Variants in FGF12 observed in about 807,000 individuals in gnomAD.
The protein encoded by FGF12 is fibroblast growth factor 12B.
Under a neutral mutation model 23.6 loss-of-function variants are expected in FGF12, and 14 were observed. That is an observed-to-expected ratio of 0.59 (90% CI 0.39 to 0.93). The LOEUF is 0.93. Among genes scored for constraint, FGF12 ranks in the 40% least tolerant of loss-of-function variants. The pLI is 0.00. For missense variants in FGF12, 175 were observed against 217.8 expected (o/e 0.80, Z 1.24); for synonymous variants, 62 against 77.3 (o/e 0.80, Z 1.04).
chr3:192,653,381 T>C (rs1376215921), intron 2 of FGF12, among the ~76,000 whole-genome samples: 1 of 152,214 alleles, frequency 6.6e-6, no homozygotes, highest in Non-Finnish European at 1.5e-5. Context: ...CTCTGGTCCC[T>C]ACATTTTGGT....
At chr3:192,169,613 T>G (rs1160557006) in intron 5 of FGF12, among the ~76,000 whole-genome samples, 1 of 152,094 alleles carries the variant, frequency 6.6e-6, no homozygotes, top group Non-Finnish European at 1.5e-5. Flanking sequence ...GCCACAGAGT[T>G]GCAATGCACT....
At chr3:192,169,095 C>T (rs1715394328) in intron 5 of FGF12, among the ~76,000 whole-genome samples, 1 of 152,160 alleles carries the variant, frequency 6.6e-6, no homozygotes, top group Non-Finnish European at 1.5e-5. Flanking sequence ...AATCCCAGCA[C>T]TTTGGGAGGC....
chr3:192,634,465 C>T (rs886733932), intron 2 of FGF12, among the ~76,000 whole-genome samples: 3 of 152,140 alleles, frequency 2.0e-5, no homozygotes, highest in African/African-American at 7.2e-5. Context: ...TATGCAAATA[C>T]TACACCATTT....
chr3:192,381,622 G>T (rs999671348), intron 2 of FGF12, among the ~76,000 whole-genome samples: 1 of 152,172 alleles, frequency 6.6e-6, no homozygotes, highest in Non-Finnish European at 1.5e-5. Context: ...GTCAAAAATG[G>T]CTCCCTCAGG....
At chr3:192,426,186 T>C (rs568795264) in intron 2 of FGF12, among the ~76,000 whole-genome samples, 1 of 152,358 alleles carries the variant, frequency 6.6e-6, no homozygotes, top group Non-Finnish European at 1.5e-5. Context: ...TCTAAGATCC[T>C]GGGCTTTTCC....
chr3:192,577,370 G>A (rs961682598), intron 2 of FGF12, among the ~76,000 whole-genome samples: 1 of 152,116 alleles, frequency 6.6e-6, no homozygotes, highest in Non-Finnish European at 1.5e-5. Context: ...ATGAACAAAT[G>A]GTTCTGAGAG....
intron 4 of FGF12, among the ~76,000 whole-genome samples, chr3:192,305,789 T>C (rs1467609569): frequency 6.7e-6 from 1 of 149,170 alleles, no homozygotes; most frequent in East Asian, 1.9e-4. Flanking sequence ...TGACCCCTAT[T>C]TCCTTTGAGA....
At chr3:192,188,046 C>A (rs751000390) in intron 4 of FGF12, among the ~76,000 whole-genome samples, 6 of 152,102 alleles carry the variant, frequency 3.9e-5, no homozygotes, top group Non-Finnish European at 8.8e-5. Context: ...AACAGAGAGC[C>A]AGGAAAGTTT....
At chr3:192,253,663 T>C (rs757845107) in intron 4 of FGF12, among the ~76,000 whole-genome samples, 1 of 152,034 alleles carries the variant, frequency 6.6e-6, no homozygotes, top group Non-Finnish European at 1.5e-5. Context: ...GTTATTCAAA[T>C]TATGTTTGGA....
At chr3:192,229,990 T>C (rs1242382922) in intron 4 of FGF12, among the ~76,000 whole-genome samples, 1 of 152,116 alleles carries the variant, frequency 6.6e-6, no homozygotes, top group Non-Finnish European at 1.5e-5. Flanking sequence ...CTTTAAAGTG[T>C]AATGCATATG....
rs1362671093 is a variant in FGF12, at chr3:192,143,911, T to C, written c.*98A>G. On this transcript the variant is annotated 3_prime_UTR_variant, in exon 6 of 6. Transcript: ENST00000445105. ...CACTAGGTCTTGCGTTGTCATTTTA[T>C]TTTCCTCTCCTTGGGTGGATTTACT... The C allele has an allele frequency of 1.0e-5, 8 of 780,374 alleles. No homozygotes were observed. The highest frequency in any genetic ancestry group is 1.3e-5 in the Non-Finnish European group (6 of 456,522). 48.3% of individuals were successfully genotyped at this position (780,374 alleles called of 1,614,324 possible). A position where few individuals can be genotyped will look rare whatever the true frequency, so the allele number is the denominator to read the frequency against.
At chr3:192,453,292 T>C (rs1722581004) in intron 2 of FGF12, among the ~76,000 whole-genome samples, 3 of 152,230 alleles carry the variant, frequency 2.0e-5, no homozygotes, top group African/African-American at 7.2e-5. Flanking sequence ...GAAACTAATT[T>C]GATCACATTT....
At chr3:192,338,458 C>T (rs1377109246) in intron 3 of FGF12, among the ~76,000 whole-genome samples, 3 of 152,198 alleles carry the variant, frequency 2.0e-5, no homozygotes, top group Non-Finnish European at 4.4e-5. Context: ...TATGGACCCA[C>T]TACTGGCCAA....
At chr3:192,547,253 C>T (rs1725518235) in intron 2 of FGF12, among the ~76,000 whole-genome samples, 1 of 152,174 alleles carries the variant, frequency 6.6e-6, no homozygotes, top group Admixed American at 6.5e-5. Context: ...CAGGTGACGT[C>T]TCTCTCCCAG....
At chr3:192,548,654 A>G (rs1725556444) in intron 2 of FGF12, among the ~76,000 whole-genome samples, 2 of 152,172 alleles carry the variant, frequency 1.3e-5, no homozygotes, top group South Asian at 4.1e-4. Flanking sequence ...GAACATTATT[A>G]TTAATTCCAG....
At chr3:192,610,488 G>T (rs187650490) in intron 2 of FGF12, among the ~76,000 whole-genome samples, 2 of 151,918 alleles carry the variant, frequency 1.3e-5, no homozygotes, top group African/African-American at 4.8e-5. Context: ...TTTATCTCCC[G>T]TTGTTAACAC....
chr3:192,546,880 T>C (rs1452303294), intron 2 of FGF12, among the ~76,000 whole-genome samples: 1 of 151,916 alleles, frequency 6.6e-6, no homozygotes, highest in Non-Finnish European at 1.5e-5. Context: ...CAAAACCCCA[T>C]CTCTACTAAA....
At chr3:192,698,764 C>CAAA (rs1477539104) in intron 2 of FGF12, among the ~76,000 whole-genome samples, 1 of 152,092 alleles carries the variant, frequency 6.6e-6, no homozygotes, top group Non-Finnish European at 1.5e-5. Context: ...AGATGTGAAA[C>CAAA]AGTTAGATAC....
At chr3:192,542,605 A>G (rs1399723609) in intron 2 of FGF12, among the ~76,000 whole-genome samples, 1 of 151,612 alleles carries the variant, frequency 6.6e-6, no homozygotes, top group Non-Finnish European at 1.5e-5. Flanking sequence ...TATTTATTGT[A>G]GTCTTCACAG....
Sources: gnomAD v4.1 joint callset for allele counts (sites outside exome capture counted in the v4.1 genomes callset) on GRCh38, gnomAD v4.1.1 for gene constraint, MANE v1.5 for transcripts, NCBI Gene and HGNC (gene_info 2026-07-23, HGNC 2026-07-21) for gene names.